Variants in NKAIN3 observed in about 807,000 individuals in gnomAD.
The protein encoded by NKAIN3 is sodium/potassium transporting ATPase interacting 3, also known as sodium/potassium-transporting ATPase subunit beta-1-interacting protein 3.
Under a neutral mutation model 30.2 loss-of-function variants are expected in NKAIN3, and 25 were observed. The observed-to-expected ratio is 0.83, with a 90% CI of 0.60 to 1.16. NKAIN3 has a LOEUF of 1.16. Ranked by LOEUF, NKAIN3 falls within the 50% of genes most tolerant of loss-of-function variation. The probability of loss-of-function intolerance (pLI) is 0.00; values close to 1 mark genes in which losing one functional copy is unlikely to be tolerated. For synonymous variants in NKAIN3, 91 were observed against 89.6 expected, an observed-to-expected ratio of 1.02 and a Z score of -0.09; for missense variants, 225 against 254.1, an observed-to-expected ratio of 0.89 and a Z score of 0.78.
At chr8:62,898,386 A>G (rs1821502462) in intron 4 of NKAIN3, among the ~76,000 whole-genome samples, 1 of 152,178 alleles carries the variant, frequency 6.6e-6, no homozygotes, top group Non-Finnish European at 1.5e-5. Flanking sequence ...CCCAGCCACA[A>G]AAAAGAATGA....
chr8:62,313,739 A>T (rs1241929987), intron 1 of NKAIN3, among the ~76,000 whole-genome samples: 1 of 152,186 alleles, frequency 6.6e-6, no homozygotes. Context: ...CTGTGTTATA[A>T]GAATTTCAGC....
chr8:62,994,825 G>A (rs1804069283), intron 5 of NKAIN3, among the ~76,000 whole-genome samples: 1 of 152,136 alleles, frequency 6.6e-6, no homozygotes, highest in Non-Finnish European at 1.5e-5. Context: ...TTTATTTCAT[G>A]GAAAATCAGA....
At chr8:62,387,881 A>C (rs1817476213) in intron 1 of NKAIN3, among the ~76,000 whole-genome samples, 1 of 152,230 alleles carries the variant, frequency 6.6e-6, no homozygotes, top group South Asian at 2.1e-4. Context: ...AAAGAAAAGC[A>C]AAAAACTCTG....
At chr8:62,613,847 G>A (rs1811364346) in intron 3 of NKAIN3, among the ~76,000 whole-genome samples, 1 of 152,050 alleles carries the variant, frequency 6.6e-6, no homozygotes, top group Admixed American at 6.5e-5. Context: ...TTCATCTCCA[G>A]AATTTCTGCT....
intron 3 of NKAIN3, among the ~76,000 whole-genome samples, chr8:62,604,669 A>T (rs1327464010): frequency 1.3e-5 from 2 of 152,184 alleles, no homozygotes; most frequent in Non-Finnish European, 2.9e-5. Flanking sequence ...AAAGAATAGA[A>T]ATTTAAAAGC....
At chr8:62,614,895 G>A (rs915680829) in intron 3 of NKAIN3, among the ~76,000 whole-genome samples, 3 of 152,116 alleles carry the variant, frequency 2.0e-5, no homozygotes, top group Non-Finnish European at 2.9e-5. Flanking sequence ...CCTTCAAGAC[G>A]GTGAACTCCC....
chr8:62,805,775 T>C (rs1429921914), intron 4 of NKAIN3, among the ~76,000 whole-genome samples: 1 of 152,110 alleles, frequency 6.6e-6, no homozygotes, highest in Non-Finnish European at 1.5e-5. Context: ...CCAAAAGCAA[T>C]GGCAACAAAA....
intron 1 of NKAIN3, among the ~76,000 whole-genome samples, chr8:62,538,584 G>A (rs932183216): frequency 1.3e-5 from 2 of 152,160 alleles, no homozygotes; most frequent in African/African-American, 4.8e-5. Context: ...AATTTCACAT[G>A]GAATAATTTC....
intron 3 of NKAIN3, among the ~76,000 whole-genome samples, chr8:62,662,212 C>T (rs573458014): frequency 7.2e-5 from 11 of 152,256 alleles, no homozygotes; most frequent in Non-Finnish European, 1.5e-4. Context: ...CAGGCCCAGA[C>T]TGGCTGAGCT....
chr8:62,780,738 C>T (rs1018405126), intron 4 of NKAIN3, among the ~76,000 whole-genome samples: 1 of 152,020 alleles, frequency 6.6e-6, no homozygotes, highest in Non-Finnish European at 1.5e-5. Flanking sequence ...ATTCAATACC[C>T]TTTCATGAAT....
intron 1 of NKAIN3, among the ~76,000 whole-genome samples, chr8:62,369,684 G>T (rs1173760305): frequency 6.6e-6 from 1 of 151,732 alleles, no homozygotes; most frequent in Non-Finnish European, 1.5e-5. Context: ...ACTCCTGATG[G>T]CTACATAGAT....
At chr8:62,544,375 A>G (rs879038633) in intron 1 of NKAIN3, among the ~76,000 whole-genome samples, 1 of 152,086 alleles carries the variant, frequency 6.6e-6, no homozygotes, top group Non-Finnish European at 1.5e-5. Flanking sequence ...GCTATTTTTA[A>G]AAGATAATTT....
At chr8:62,796,994 C>T (rs1325836182) in intron 4 of NKAIN3, among the ~76,000 whole-genome samples, 2 of 152,128 alleles carry the variant, frequency 1.3e-5, no homozygotes, top group Non-Finnish European at 2.9e-5. Context: ...TCTCTGATTC[C>T]ATTTGTTTAG....
intron 4 of NKAIN3, among the ~76,000 whole-genome samples, chr8:62,911,226 A>G (rs925875777): frequency 2.0e-5 from 3 of 152,194 alleles, no homozygotes; most frequent in Non-Finnish European, 4.4e-5. Flanking sequence ...AGCTATCATG[A>G]AGACTTTAGC....
chr8:62,500,489 A>AAAAG (rs148792331), intron 1 of NKAIN3, among the ~76,000 whole-genome samples: 2 of 124,658 alleles, frequency 1.6e-5, no homozygotes, highest in Middle Eastern at 3.9e-3. Context: ...AAGAAAGAAG[A>AAAAG]AAAGAAAGAA....
chr8:62,670,849 T>C (rs1346642143), intron 3 of NKAIN3, among the ~76,000 whole-genome samples: 1 of 150,896 alleles, frequency 6.6e-6, no homozygotes, highest in Non-Finnish European at 1.5e-5. Context: ...GAAATGGATT[T>C]CTGTTTCCTA....
At chr8:62,654,810 A>T (rs991870509) in intron 3 of NKAIN3, among the ~76,000 whole-genome samples, 3 of 152,108 alleles carry the variant, frequency 2.0e-5, no homozygotes, top group Non-Finnish European at 2.9e-5. Flanking sequence ...AATGAATTAA[A>T]AACAAGGCAA....
chr8:62,427,427 T>G (rs571361780), intron 1 of NKAIN3, among the ~76,000 whole-genome samples: 1 of 151,922 alleles, frequency 6.6e-6, no homozygotes, highest in Non-Finnish European at 1.5e-5. Context: ...ATCTGTCAGG[T>G]TCAGTTTCCT....
At chr8:62,711,916 T>G (rs1055270195) in intron 3 of NKAIN3, among the ~76,000 whole-genome samples, 1 of 152,238 alleles carries the variant, frequency 6.6e-6, no homozygotes, top group African/African-American at 2.4e-5. Context: ...CAGATTATTT[T>G]GTCCCACGGG....
Sources: gnomAD v4.1 joint callset for allele counts (sites outside exome capture counted in the v4.1 genomes callset) on GRCh38, gnomAD v4.1.1 for gene constraint, MANE v1.5 for transcripts, NCBI Gene and HGNC (gene_info 2026-07-23, HGNC 2026-07-21) for gene names.